DNAL1: variants seen among roughly 807,000 people sequenced by gnomAD.
The protein encoded by DNAL1 is chromosome 14 open reading frame 168.
In DNAL1, 17 loss-of-function variants were observed where a neutral mutation model predicts 29.4. The ratio of observed to expected loss-of-function variants is 0.58; its 90% CI spans 0.40 to 0.87. DNAL1 has a LOEUF of 0.87. Among genes scored for constraint, DNAL1 ranks in the 40% least tolerant of loss-of-function variants. The pLI is 0.00. For missense variants in DNAL1, 188 were observed against 214.1 expected (o/e 0.88, Z 0.76); for synonymous variants, 78 against 76.3 (o/e 1.02, Z -0.12).
At chr14:73,694,835 A>G (rs1892265399) in intron 7 of DNAL1, among the ~76,000 whole-genome samples, 1 of 151,680 alleles carries the variant, frequency 6.6e-6, no homozygotes, top group African/African-American at 2.4e-5. Context: ...GATTACAGGC[A>G]TGCGCCACAA....
chr14:73,658,296 G>A (rs1476534795), intron 2 of DNAL1, among the ~76,000 whole-genome samples: 1 of 152,150 alleles, frequency 6.6e-6, no homozygotes, highest in East Asian at 1.9e-4. Flanking sequence ...TGCTGTTTGG[G>A]TTGTGTTCGC....
chr14:73,666,905 G>A (rs960205134), intron 4 of DNAL1, among the ~76,000 whole-genome samples: 2 of 150,184 alleles, frequency 1.3e-5, no homozygotes, highest in Admixed American at 6.6e-5. Flanking sequence ...CCAGTTTCAC[G>A]TCCATAACCT....
chr14:73,669,943 A>C (rs1195204646), intron 4 of DNAL1, among the ~76,000 whole-genome samples: 3 of 152,096 alleles, frequency 2.0e-5, no homozygotes, highest in African/African-American at 7.2e-5. Flanking sequence ...AATTTATTAA[A>C]TAAATTGAAG....
chr14:73,687,450 A>G (rs1566890780), intron 6 of DNAL1, 65 bp downstream of exon 6: 4 of 1,444,096 alleles, frequency 2.8e-6, no homozygotes, highest in Non-Finnish European at 1.8e-6. Flanking sequence ...TCCGAGAGGG[A>G]AAAGATGCAA....
At chr14:73,663,562 C>A (rs564053300) in intron 4 of DNAL1, among the ~76,000 whole-genome samples, 1 of 152,112 alleles carries the variant, frequency 6.6e-6, no homozygotes, top group South Asian at 2.1e-4. Context: ...CTGATCACAA[C>A]ACACTAAATT....
chr14:73,691,857 C>A (rs1189132603), intron 7 of DNAL1, among the ~76,000 whole-genome samples: 1 of 137,584 alleles, frequency 7.3e-6, no homozygotes, highest in Non-Finnish European at 1.6e-5. Flanking sequence ...CCCCCCCCCC[C>A]CAGCTAATTT....
intron 5 of DNAL1, among the ~76,000 whole-genome samples, chr14:73,678,032 G>A (rs1201418834): frequency 6.6e-6 from 1 of 151,506 alleles, no homozygotes; most frequent in East Asian, 1.9e-4. Flanking sequence ...AAGTACTTGG[G>A]ACTACAGGCA....
chr14:73,659,034 T>C (rs1185918379), intron 3 of DNAL1, 78 bp downstream of exon 3: 2 of 1,067,014 alleles, frequency 1.9e-6, no homozygotes, highest in African/African-American at 1.6e-5. Flanking sequence ...TAGGAAAATA[T>C]GTTTGTTTTC....
chr14:73,695,481 G>A (rs1205299455), intron 7 of DNAL1, among the ~76,000 whole-genome samples: 1 of 152,070 alleles, frequency 6.6e-6, no homozygotes, highest in Non-Finnish European at 1.5e-5. Flanking sequence ...AGATTATTTT[G>A]TGAAATTATT....
At chr14:73,667,495 C>A (rs894886793) in intron 4 of DNAL1, among the ~76,000 whole-genome samples, 1 of 152,070 alleles carries the variant, frequency 6.6e-6, no homozygotes, top group Admixed American at 6.6e-5. Context: ...GATAAACCAA[C>A]TCCTTGTGTG....
At chr14:73,689,340 G>C (rs1456448587) in intron 6 of DNAL1, 35 bp from the exon 7 acceptor site, 48 of 1,549,468 alleles carry the variant, frequency 3.1e-5, no homozygotes, top group Non-Finnish European at 3.5e-5. Flanking sequence ...CCAAAACTTA[G>C]TGTTTTAATA....
Position 73,658,770 on chromosome 14 carries a change from G to A in DNAL1, c.43-77G>A, listed in dbSNP as rs1431306424. 3.8e-6 allele frequency: 4 copies of A among 1,064,656 alleles called. No individual in the cohort carries two copies. In the East Asian group the frequency reaches 9.8e-5, roughly 26 times the overall value. The allele number at this position is 1,064,656 out of a possible 1,614,324, so 66.0% of individuals were successfully genotyped here. A position where few individuals can be genotyped will look rare whatever the true frequency, so the allele number is the denominator to read the frequency against. The stretch of plus-strand genomic sequence containing the variant: ...ATTGTCTTGAAATAAACATGGAAAA[G>A]CCTTAGGAAATTCTGGCCTCTTTTG... On this transcript the variant is annotated intron_variant, in intron 2 of 7. Coordinates refer to ENST00000553645, the MANE Select transcript of DNAL1 (RefSeq NM_031427.4).
chr14:73,648,836 A>G (rs1891044424), intron 1 of DNAL1, among the ~76,000 whole-genome samples: 2 of 151,528 alleles, frequency 1.3e-5, no homozygotes, highest in Admixed American at 6.6e-5. Context: ...TGTATTCTAA[A>G]TATTGGTCCT....
At chr14:73,688,522 C>A (rs1381094384) in intron 6 of DNAL1, among the ~76,000 whole-genome samples, 4 of 152,232 alleles carry the variant, frequency 2.6e-5, no homozygotes, top group East Asian at 1.9e-4. Context: ...ACTTGGGAGG[C>A]TGAGGCATGA....
intron 1 of DNAL1, among the ~76,000 whole-genome samples, chr14:73,650,658 G>A (rs1891093382): frequency 6.6e-6 from 1 of 151,044 alleles, no homozygotes; most frequent in African/African-American, 2.4e-5. Context: ...TTTTATTTTT[G>A]GAGACGGGAG....
At chr14:73,662,743 G>T (rs1032810001) in intron 4 of DNAL1, among the ~76,000 whole-genome samples, 4 of 151,486 alleles carry the variant, frequency 2.6e-5, no homozygotes, top group Non-Finnish European at 4.4e-5. Flanking sequence ...TTGCATTAGG[G>T]CACACCCTGA....
At chr14:73,656,967 A>G (rs1891231622) in intron 2 of DNAL1, among the ~76,000 whole-genome samples, 1 of 152,010 alleles carries the variant, frequency 6.6e-6, no homozygotes, top group South Asian at 2.1e-4. Context: ...CTGTGAAAGT[A>G]TAGACGGGGT....
chr14:73,692,981 G>A (rs904170621), intron 7 of DNAL1, among the ~76,000 whole-genome samples: 3 of 151,910 alleles, frequency 2.0e-5, no homozygotes, highest in Admixed American at 2.0e-4. Flanking sequence ...GATTACAGGC[G>A]TCCGCCACCA....
intron 1 of DNAL1, among the ~76,000 whole-genome samples, chr14:73,645,795 C>T (rs1411291174): frequency 6.6e-6 from 1 of 152,202 alleles, no homozygotes; most frequent in Non-Finnish European, 1.5e-5. Flanking sequence ...CCTAGAGATG[C>T]TCCTCAACTC....
Sources: allele counts gnomAD v4.1 joint callset (sites outside exome capture counted in the v4.1 genomes callset), GRCh38; gene constraint gnomAD v4.1.1; transcripts MANE v1.5; gene names NCBI Gene and HGNC (gene_info 2026-07-23, HGNC 2026-07-21).